NFS1: variants seen among roughly 807,000 people sequenced by gnomAD.
NFS1 encodes NFS1 cysteine desulfurase.
NFS1 carries 26 observed loss-of-function variants against 57.3 expected under a neutral mutation model. That is an observed-to-expected ratio of 0.45 (90% CI 0.33 to 0.63). The LOEUF (loss-of-function observed/expected upper bound fraction) is 0.63, where lower values mean the gene tolerates loss of function less well. NFS1 is among the 20% of genes least tolerant of loss of function. The pLI is 0.02. For missense variants in NFS1, 505 were observed against 605.8 expected, an observed-to-expected ratio of 0.83 and a Z score of 1.75; for synonymous variants, 209 against 216.3, an observed-to-expected ratio of 0.97 and a Z score of 0.30.
At chr20:35,676,054 G>A (rs985221587) in intron 7 of NFS1, 6 of 152,154 alleles carry the variant, frequency 3.9e-5, no homozygotes, top group African/African-American at 1.4e-4. Context: ...GGGAGGCTGA[G>A]GTGGGTGGAT....
intron 5 of NFS1, among the ~76,000 whole-genome samples, chr20:35,689,084 C>A (rs999610094): frequency 1.3e-5 from 2 of 152,144 alleles, no homozygotes; most frequent in Non-Finnish European, 2.9e-5. Flanking sequence ...AGCATCAGTG[C>A]AGGGAAGGAG....
At chr20:35,680,942 G>C (rs1404252135) in intron 6 of NFS1, 71 bp from the exon 7 acceptor site, 1 of 1,258,048 alleles carries the variant, frequency 7.9e-7, no homozygotes, top group Admixed American at 3.0e-5. Flanking sequence ...ACAGTGCACT[G>C]TGAATTATCT....
chr20:35,676,777 A>AAAAAAAAAC, intron 7 of NFS1, among the ~76,000 whole-genome samples: 1 of 149,182 alleles, frequency 6.7e-6, no homozygotes, highest in East Asian at 2.0e-4. Flanking sequence ...AAAAAAAAAA[A>AAAAAAAAAC]AAAAAAAACC....
chr20:35,685,464 G>A (rs2034921845), intron 5 of NFS1, among the ~76,000 whole-genome samples: 1 of 151,148 alleles, frequency 6.6e-6, no homozygotes, highest in Admixed American at 6.6e-5. Flanking sequence ...GGAGACTGCA[G>A]TGAGCCGAGG....
Position 35,683,412 on chromosome 20 carries a change from G to A in NFS1, c.562-1431C>T, listed in dbSNP as rs925961911. ...CAGGAGAATCGCTTGAACCCGGGGG[G>A]CAGAGGTTGCAGTGAGCTGAGATCA... On this transcript the variant is annotated intron_variant, in intron 5 of 12. Coordinates refer to ENST00000374092, the MANE Select transcript of NFS1 (RefSeq NM_021100.5). 2.6e-5 allele frequency among the ~76,000 whole-genome samples: 4 copies of A among 151,756 alleles called. No individual in the cohort carries two copies. In the South Asian group the frequency reaches 6.2e-4, roughly 24 times the overall value.
intron 5 of NFS1, among the ~76,000 whole-genome samples, chr20:35,683,300 G>A (rs2146423503): frequency 6.6e-6 from 1 of 151,586 alleles, no homozygotes; most frequent in South Asian, 2.1e-4. Flanking sequence ...TGGCCAAGAT[G>A]GTGAAACCCC....
At chr20:35,676,481 G>A (rs1310628726) in intron 7 of NFS1, among the ~76,000 whole-genome samples, 1 of 151,820 alleles carries the variant, frequency 6.6e-6, no homozygotes, top group Non-Finnish European at 1.5e-5. Context: ...AGCTACTCAG[G>A]AGGCTGAGGC....
chr20:35,695,655 T>C (rs921817086), intron 4 of NFS1, among the ~76,000 whole-genome samples: 1 of 152,006 alleles, frequency 6.6e-6, no homozygotes, highest in Non-Finnish European at 1.5e-5. Flanking sequence ...CAGGAGGAAC[T>C]TGTTGCAAAT....
Position 35,699,131 on chromosome 20 carries a change from G to C in NFS1, c.97+61C>G. ...GGACAGGAAGGCTCCGGAATATTCA[G>C]TTGCGTCGCCGCGCGGAGGGGACAG... On this transcript the variant is annotated intron_variant, in intron 1 of 12. Transcript: ENST00000374092. The surrounding 1 kb of genome is among the most constrained non-coding windows in gnomAD (Gnocchi z 4.4). The C allele has an allele frequency of 1.5e-6, 2 of 1,363,656 alleles. No homozygotes were observed. Among genetic ancestry groups the C allele is most frequent in the Non-Finnish European group, 1.9e-6 (2 of 1,064,988 alleles). The allele number at this position is 1,363,656 out of a possible 1,614,324, so 84.5% of individuals were successfully genotyped here. A position where few individuals can be genotyped will look rare whatever the true frequency, so the allele number is the denominator to read the frequency against.
intron 12 of NFS1, among the ~76,000 whole-genome samples, chr20:35,670,605 C>G (rs921231136): frequency 1.3e-5 from 2 of 152,124 alleles, no homozygotes; most frequent in African/African-American, 4.8e-5. Flanking sequence ...TTAGGGAAGA[C>G]CACTTATTAT....
At position 35,699,019 on chromosome 20, in the gene NFS1, C is replaced by T; in HGVS notation, c.97+173G>A. On this transcript the variant is annotated intron_variant, in intron 1 of 12. Transcript: ENST00000374092. The surrounding 1 kb of genome is among the most constrained non-coding windows in gnomAD (Gnocchi z 4.4). ...CGCGCAGGGTGCGAGGGGTGGTGCGCCGGGGTCAACCGTTCGGGGACCCGC... is the reference window on the plus strand; with the variant it reads ...CGCGCAGGGTGCGAGGGGTGGTGCGTCGGGGTCAACCGTTCGGGGACCCGC... The T allele has an allele frequency of 7.5e-7, 1 of 1,324,676 alleles. No homozygotes were observed. The highest frequency in any genetic ancestry group is 2.1e-5 in the South Asian group (1 of 47,992). 82.1% of individuals were successfully genotyped at this position (1,324,676 alleles called of 1,614,324 possible). A position where few individuals can be genotyped will look rare whatever the true frequency, so the allele number is the denominator to read the frequency against.
chr20:35,669,524 A>C lies in NFS1; in HGVS notation c.*98T>G. On this transcript the variant is annotated 3_prime_UTR_variant, in exon 13 of 13. Coordinates refer to ENST00000374092, the MANE Select transcript of NFS1 (RefSeq NM_021100.5). ...ATGCTGAAGTCAACTGGTCTATACCAATCTAGAGCATCCACTAGGTGTAAC... is the reference window on the plus strand; with the variant it reads ...ATGCTGAAGTCAACTGGTCTATACCCATCTAGAGCATCCACTAGGTGTAAC... 1.9e-6 allele frequency: 2 copies of C among 1,055,244 alleles called. No individual in the cohort carries two copies. Among genetic ancestry groups the C allele is most frequent in the South Asian group, 1.3e-5 (1 of 77,960 alleles). The allele number at this position is 1,055,244 out of a possible 1,614,324, so 65.4% of individuals were successfully genotyped here.
chr20:35,684,513 G>A (rs1203779639), intron 5 of NFS1, among the ~76,000 whole-genome samples: 1 of 151,736 alleles, frequency 6.6e-6, no homozygotes, highest in Non-Finnish European at 1.5e-5. Context: ...CACTTTGGAA[G>A]GCTGAAATAG....
intron 7 of NFS1, among the ~76,000 whole-genome samples, chr20:35,676,972 T>C (rs143490990): frequency 2.0e-5 from 3 of 152,068 alleles, no homozygotes; most frequent in African/African-American, 4.8e-5. Flanking sequence ...GTTAAAGTGA[T>C]TCACCTGCCT....
At chr20:35,683,790 C>CAAAAAAAA (rs151037025) in intron 5 of NFS1, among the ~76,000 whole-genome samples, 29 of 53,686 alleles carry the variant, frequency 5.4e-4, no homozygotes, top group South Asian at 1.3e-3. Flanking sequence ...GACTCCATCT[C>CAAAAAAAA]AAAAAAAAAA....
At position 35,674,704 on chromosome 20, in the gene NFS1, G is replaced by A. The variant is rs1174200329; in HGVS notation, c.949-87C>T. 11 of 1,039,104 alleles carry A rather than the reference G, an allele frequency of 1.1e-5. No homozygotes were observed. The African/African-American group carries it at 1.7e-4, about 16-fold the overall frequency. 64.4% of individuals were successfully genotyped at this position (1,039,104 alleles called of 1,614,324 possible). A position where few individuals can be genotyped will look rare whatever the true frequency, so the allele number is the denominator to read the frequency against. The stretch of plus-strand genomic sequence containing the variant: ...AGAAGCCCTTCTCCTATAACTGGAA[G>A]TGACTATGTATCAGCCCCACCTATC... On this transcript the variant is annotated intron_variant, in intron 8 of 12. Coordinates refer to ENST00000374092, the MANE Select transcript of NFS1 (RefSeq NM_021100.5).
intron 5 of NFS1, among the ~76,000 whole-genome samples, chr20:35,685,088 T>G (rs994072835): frequency 6.6e-6 from 1 of 151,594 alleles, no homozygotes; most frequent in Non-Finnish European, 1.5e-5. Flanking sequence ...GGTTTTACCA[T>G]GTTGGCCAGG....
intron 4 of NFS1, among the ~76,000 whole-genome samples, chr20:35,692,553 A>AAAAAAAAAAAAAAAAC (rs2035062715): frequency 6.8e-6 from 1 of 147,704 alleles, no homozygotes; most frequent in African/African-American, 2.5e-5. Flanking sequence ...AAAAAAAAAA[A>AAAAAAAAAAAAAAAAC]AAAAATTAGC....
intron 5 of NFS1, among the ~76,000 whole-genome samples, chr20:35,688,940 A>G (rs1432833038): frequency 1.3e-5 from 2 of 152,198 alleles, no homozygotes; most frequent in African/African-American, 4.8e-5. Context: ...ATAATGAATG[A>G]TGAGAACACT....
Sources: allele counts gnomAD v4.1 joint callset (sites outside exome capture counted in the v4.1 genomes callset), GRCh38; gene constraint gnomAD v4.1.1; non-coding constraint Gnocchi (gnomAD v3.1); transcripts MANE v1.5; gene names NCBI Gene and HGNC (gene_info 2026-07-23, HGNC 2026-07-21).